The following PRKCZ variants were observed in gnomAD, a reference collection of about 807,000 sequenced individuals.
The protein encoded by PRKCZ is protein kinase C zeta, also known as protein kinase C zeta type.
A neutral mutation model predicts 79.5 loss-of-function variants in PRKCZ; 33 were observed. The ratio of observed to expected loss-of-function variants is 0.41; its 90% CI spans 0.31 to 0.55. The LOEUF (loss-of-function observed/expected upper bound fraction) is 0.55, where lower values mean the gene tolerates loss of function less well. PRKCZ is among the 20% of genes least tolerant of loss of function. The pLI is 0.19. For missense variants in PRKCZ, 578 were observed against 813.5 expected (o/e 0.71, Z 3.52); for synonymous variants, 342 against 320.9 (o/e 1.07, Z -0.70).
chr1:2,147,641 A>G (rs1045272777), intron 7 of PRKCZ, among the ~76,000 whole-genome samples: 6 of 146,298 alleles, frequency 4.1e-5, no homozygotes, highest in African/African-American at 1.6e-4. Flanking sequence ...CTCTCCATCT[A>G]TCCATCCATC....
At chr1:2,169,754 G>A (rs1158261775) in intron 11 of PRKCZ, 150 bp downstream of exon 11, 2 of 260,240 alleles carry the variant, frequency 7.7e-6, no homozygotes, top group African/African-American at 5.0e-5. Flanking sequence ...GCGCAGAGGG[G>A]AGGTGGCTGG....
At chr1:2,154,952 C>T (rs921598246) in intron 9 of PRKCZ, among the ~76,000 whole-genome samples, 1 of 152,186 alleles carries the variant, frequency 6.6e-6, no homozygotes, top group Admixed American at 6.5e-5. Flanking sequence ...CTGCTTAGCC[C>T]TCCACCTCAA....
At chr1:2,096,331 G>C (rs1666503391) in intron 4 of PRKCZ, among the ~76,000 whole-genome samples, 1 of 151,934 alleles carries the variant, frequency 6.6e-6, no homozygotes, top group South Asian at 2.1e-4. Flanking sequence ...ATCTGGAGTA[G>C]CTGCCACCGA....
intron 10 of PRKCZ, among the ~76,000 whole-genome samples, chr1:2,158,357 C>T (rs901068225): frequency 6.6e-6 from 1 of 152,242 alleles, no homozygotes; most frequent in Non-Finnish European, 1.5e-5. Flanking sequence ...TCCAAGCTTC[C>T]TGTGCGTGTG....
intron 4 of PRKCZ, among the ~76,000 whole-genome samples, chr1:2,079,270 C>G (rs1253671476): frequency 1.3e-5 from 2 of 152,270 alleles, no homozygotes; most frequent in Admixed American, 6.5e-5. Context: ...GCACCCAGCA[C>G]ATTCATGGCT....
At chr1:2,143,884 C>T (rs1677921305) in intron 5 of PRKCZ, 2 of 258,950 alleles carry the variant, frequency 7.7e-6, no homozygotes, top group Admixed American at 4.9e-5. Context: ...GGAGCTGCAG[C>T]CCCCCAGCCC....
chr1:2,065,552 G>A (rs568981165), intron 4 of PRKCZ, among the ~76,000 whole-genome samples: 22 of 152,192 alleles, frequency 1.4e-4, no homozygotes, highest in Non-Finnish European at 2.8e-4. Context: ...GGTTGCAGGC[G>A]CCTGTAGTCC....
Position 2,094,377 on chromosome 1 carries a change from AC to A in PRKCZ, c.334+34787del, listed in dbSNP as rs1557543289. On this transcript the variant is annotated intron_variant, in intron 4 of 17. Coordinates refer to ENST00000378567, the MANE Select transcript of PRKCZ (RefSeq NM_002744.6). The surrounding 1 kb of genome is among the most constrained non-coding windows in gnomAD (Gnocchi z 7.3). ...GGCCCCGGCTCGTTGAACCTTGGGC[AC>A]TGCCCATTCTGAGGCGCCCGCTGTG... is the stretch of plus-strand genomic sequence containing the variant. Among the ~76,000 whole-genome samples the A allele has an allele frequency of 6.9e-6, 1 of 145,532 alleles. No homozygotes were observed. Among genetic ancestry groups the A allele is most frequent in the Non-Finnish European group, 1.5e-5 (1 of 66,026 alleles).
chr1:2,074,551 T>C, intron 4 of PRKCZ: 1 of 571,806 alleles, frequency 1.7e-6, no homozygotes, highest in Non-Finnish European at 3.1e-6. Context: ...CCAGGGCTGG[T>C]AGTGGTAACA....
At position 2,175,333 on chromosome 1, in the gene PRKCZ, A is replaced by G. The variant is rs746316041; in HGVS notation, c.1575+20A>G. 5 of 1,597,818 alleles carry G rather than the reference A, an allele frequency of 3.1e-6. No homozygotes were observed. The highest frequency in any genetic ancestry group is 4.3e-6 in the Non-Finnish European group (5 of 1,167,240). On this transcript the variant is annotated intron_variant, in intron 16 of 17. Transcript: ENST00000378567. ...GACTTGGTAAAGCATCACAAAGCCT[A>G]TTTGCACCCCCATCCCCATCCCAAC...
At chr1:2,073,685 G>A (rs1292070287) in intron 4 of PRKCZ, 60 of 991,810 alleles carry the variant, frequency 6.0e-5, no homozygotes, top group African/African-American at 1.2e-4. Flanking sequence ...ACAGCTTCCC[G>A]GGGGAGCCGG....
intron 4 of PRKCZ, among the ~76,000 whole-genome samples, chr1:2,095,911 T>G (rs1571333392): frequency 1.2e-5 from 1 of 83,352 alleles, no homozygotes; most frequent in Non-Finnish European, 2.3e-5. Context: ...TCCTCTCCCC[T>G]CCTCTCCCCT....
Position 2,174,404 on chromosome 1 carries a change from T to G in PRKCZ, c.1406-350T>G, listed in dbSNP as rs1346893485. Reference sequence around the variant, plus strand: ...TGGAGGCCCCGGGACCTGCTCCTGGTCTGGAATTCAGTGCTGTGGGGATGT... The same window carrying G: ...TGGAGGCCCCGGGACCTGCTCCTGGGCTGGAATTCAGTGCTGTGGGGATGT... On this transcript the variant is annotated intron_variant, in intron 14 of 17. Transcript: ENST00000378567. This position sits in a 1 kb window ranked among gnomAD's most constrained non-coding sequence, Gnocchi z 6.2. Among the ~76,000 whole-genome samples, 1 of 152,188 alleles carries G rather than the reference T, an allele frequency of 6.6e-6. No individual in the cohort carries two copies. The highest frequency in any genetic ancestry group is 2.4e-5 in the African/African-American group (1 of 41,446).
At chr1:2,148,748 G>A in intron 7 of PRKCZ, 124 bp from the exon 8 acceptor site, 4 of 922,090 alleles carry the variant, frequency 4.3e-6, no homozygotes, top group Non-Finnish European at 6.6e-6. Flanking sequence ...AATCAGACAT[G>A]GCTGCTGTGT....
chr1:2,080,376 C>T (rs765969687), intron 4 of PRKCZ, among the ~76,000 whole-genome samples: 12 of 123,276 alleles, frequency 9.7e-5, no homozygotes, highest in Non-Finnish European at 1.6e-4. Flanking sequence ...TGGACCAGCA[C>T]GTCCCACTGC....
At chr1:2,120,844 T>C (rs1185303183) in intron 4 of PRKCZ, among the ~76,000 whole-genome samples, 1 of 149,812 alleles carries the variant, frequency 6.7e-6, no homozygotes, top group Non-Finnish European at 1.5e-5. Flanking sequence ...TGATTCTTTT[T>C]TTTTTTTTTT....
At chr1:2,059,687 G>A in intron 4 of PRKCZ, 96 bp downstream of exon 4, 3 of 1,508,762 alleles carry the variant, frequency 2.0e-6, no homozygotes, top group South Asian at 2.3e-5. Context: ...CGTTTTCGGA[G>A]GTTCACCCTC....
rs927435657 is a variant in PRKCZ, at chr1:2,173,514, A to G, written c.1286-383A>G. Among the ~76,000 whole-genome samples the G allele has an allele frequency of 1.3e-5, 2 of 152,248 alleles. No homozygotes were observed. The highest frequency in any genetic ancestry group is 2.4e-5 in the African/African-American group (1 of 41,462). Reference sequence around the variant, plus strand: ...TAAAAAACAAAATGGCTGTAGAAGGAAACACAGGAGAGTATTTCCGTTACT... The same window carrying G: ...TAAAAAACAAAATGGCTGTAGAAGGGAACACAGGAGAGTATTTCCGTTACT... On this transcript the variant is annotated intron_variant, in intron 13 of 17. Coordinates refer to ENST00000378567, the MANE Select transcript of PRKCZ (RefSeq NM_002744.6). The surrounding 1 kb of genome is among the most constrained non-coding windows in gnomAD (Gnocchi z 5.7).
At chr1:2,107,302 G>A (rs919060066) in intron 4 of PRKCZ, among the ~76,000 whole-genome samples, 4 of 152,306 alleles carry the variant, frequency 2.6e-5, no homozygotes, top group Admixed American at 6.5e-5. Context: ...GCGGGATTGC[G>A]TCCTCCCTCT....
Sources: allele counts gnomAD v4.1 joint callset (sites outside exome capture counted in the v4.1 genomes callset), GRCh38; gene constraint gnomAD v4.1.1; non-coding constraint Gnocchi (gnomAD v3.1); transcripts MANE v1.5; gene names NCBI Gene and HGNC (gene_info 2026-07-23, HGNC 2026-07-21).